The following WWOX variants were observed in gnomAD, a reference collection of about 807,000 sequenced individuals.
WWOX encodes WW domain-containing oxidoreductase.
WWOX carries 69 observed loss-of-function variants against 46.2 expected under a neutral mutation model. That is an observed-to-expected ratio of 1.49 (90% CI 1.23 to 1.82). The LOEUF (loss-of-function observed/expected upper bound fraction) is 1.82, where lower values mean the gene tolerates loss of function less well. WWOX is among the 40% of genes most tolerant of loss of function. The pLI is 0.00. For missense variants in WWOX, 919 were observed against 542.6 expected (o/e 1.69, Z -6.89); for synonymous variants, 359 against 202.6 (o/e 1.77, Z -6.56).
chr16:78,934,049 G>C (rs2045681881), intron 8 of WWOX, among the ~76,000 whole-genome samples: 1 of 151,940 alleles, frequency 6.6e-6, no homozygotes, highest in South Asian at 2.1e-4. Flanking sequence ...AAGAAACTTA[G>C]CCGGGGCCGG....
chr16:78,566,375 G>T (rs181543218), intron 8 of WWOX, among the ~76,000 whole-genome samples: 1 of 152,290 alleles, frequency 6.6e-6, no homozygotes, highest in East Asian at 1.9e-4. Context: ...AGCAAGTATA[G>T]TAGTGGGAGA....
At chr16:78,615,695 C>T (rs1342754500) in intron 8 of WWOX, among the ~76,000 whole-genome samples, 2 of 145,282 alleles carry the variant, frequency 1.4e-5, no homozygotes, top group African/African-American at 2.6e-5. Context: ...AATAAATAAA[C>T]AGTAGTGGTT....
chr16:78,467,125 C>T (rs956556179), intron 8 of WWOX, among the ~76,000 whole-genome samples: 2 of 152,084 alleles, frequency 1.3e-5, no homozygotes, highest in African/African-American at 4.8e-5. Context: ...AGTCTTTGAT[C>T]TTGTCATGAA....
At chr16:78,967,672 G>A (rs573203976) in intron 8 of WWOX, among the ~76,000 whole-genome samples, 4 of 151,960 alleles carry the variant, frequency 2.6e-5, no homozygotes, top group Non-Finnish European at 5.9e-5. Context: ...ATTTAGCTTG[G>A]GAGAGTCTAG....
intron 7 of WWOX, among the ~76,000 whole-genome samples, chr16:78,430,756 G>C (rs1417449932): frequency 6.6e-6 from 1 of 152,092 alleles, no homozygotes; most frequent in African/African-American, 2.4e-5. Flanking sequence ...CATCAGCTTT[G>C]TTGATGACTT....
chr16:78,646,195 GTT>G (rs1182022925), intron 8 of WWOX, among the ~76,000 whole-genome samples: 1 of 152,068 alleles, frequency 6.6e-6, no homozygotes, highest in Non-Finnish European at 1.5e-5. Context: ...TGATTTGGTT[GTT>G]TTTGGTAGAG....
chr16:78,356,789 G>A (rs145065819), intron 5 of WWOX, among the ~76,000 whole-genome samples: 4,248 of 152,196 alleles, frequency 0.028, 196 homozygotes, highest in African/African-American at 0.095. Context: ...GGCTGAGGCA[G>A]GAGAATTTCT....
At chr16:78,591,404 A>G (rs936337122) in intron 8 of WWOX, among the ~76,000 whole-genome samples, 2 of 152,084 alleles carry the variant, frequency 1.3e-5, no homozygotes, top group South Asian at 2.1e-4. Context: ...CCAGTACACA[A>G]CTGTCTCCAG....
chr16:78,737,918 A>G (rs1156644948), intron 8 of WWOX, among the ~76,000 whole-genome samples: 1 of 152,024 alleles, frequency 6.6e-6, no homozygotes, highest in African/African-American at 2.4e-5. Flanking sequence ...TCATTTCCCT[A>G]TATCAGTATT....
chr16:78,871,852 C>G (rs551533676), intron 8 of WWOX, among the ~76,000 whole-genome samples: 2 of 152,296 alleles, frequency 1.3e-5, no homozygotes, highest in African/African-American at 4.8e-5. Context: ...ATCCGCCCAC[C>G]TTGGCCTCCC....
intron 8 of WWOX, among the ~76,000 whole-genome samples, chr16:79,210,580 C>A (rs151076485): frequency 3.0e-4 from 45 of 152,294 alleles, no homozygotes; most frequent in African/African-American, 1.1e-3. Context: ...TCCCTCTCAT[C>A]AGCTGAAAAT....
At chr16:78,984,696 C>T (rs1179342506) in intron 8 of WWOX, among the ~76,000 whole-genome samples, 1 of 152,170 alleles carries the variant, frequency 6.6e-6, no homozygotes, top group Non-Finnish European at 1.5e-5. Flanking sequence ...CAAAAATATC[C>T]TGTGAATCTT....
At chr16:78,619,049 A>G (rs951185993) in intron 8 of WWOX, among the ~76,000 whole-genome samples, 1 of 145,036 alleles carries the variant, frequency 6.9e-6, no homozygotes. Context: ...TAATTCCAGC[A>G]CTTTGGGAGG....
intron 8 of WWOX, among the ~76,000 whole-genome samples, chr16:78,550,001 A>T (rs528205893): frequency 1.3e-5 from 2 of 152,364 alleles, no homozygotes; most frequent in Non-Finnish European, 2.9e-5. Flanking sequence ...ATGAAGGGAA[A>T]TGCCTAGGTT....
chr16:78,283,599 G>A (rs182800791), intron 5 of WWOX, among the ~76,000 whole-genome samples: 234 of 152,144 alleles, frequency 1.5e-3, no homozygotes, highest in African/African-American at 5.5e-3. Context: ...CACATAGGAT[G>A]AATGTGGCAT....
At chr16:78,612,689 G>C (rs992860862) in intron 8 of WWOX, among the ~76,000 whole-genome samples, 3 of 152,028 alleles carry the variant, frequency 2.0e-5, no homozygotes, top group African/African-American at 7.2e-5. Flanking sequence ...TGCCCAGGCT[G>C]GTCTCAAACT....
At chr16:78,922,005 C>G (rs1447962395) in intron 8 of WWOX, among the ~76,000 whole-genome samples, 2 of 152,236 alleles carry the variant, frequency 1.3e-5, no homozygotes, top group Admixed American at 6.5e-5. Context: ...CTATTGTCCT[C>G]TACCCATGAC....
chr16:78,744,972 T>C (rs1325527475), intron 8 of WWOX, among the ~76,000 whole-genome samples: 1 of 152,188 alleles, frequency 6.6e-6, no homozygotes, highest in Non-Finnish European at 1.5e-5. Context: ...TAAGCTGACT[T>C]CATCATGACT....
intron 8 of WWOX, among the ~76,000 whole-genome samples, chr16:78,976,009 A>G (rs374880182): frequency 6.6e-6 from 1 of 152,176 alleles, no homozygotes; most frequent in East Asian, 1.9e-4. Flanking sequence ...TTTTATGGAG[A>G]TGCCATGTCC....
Sources: allele counts gnomAD v4.1 joint callset (sites outside exome capture counted in the v4.1 genomes callset), GRCh38; gene constraint gnomAD v4.1.1; transcripts MANE v1.5; gene names NCBI Gene and HGNC (gene_info 2026-07-23, HGNC 2026-07-21).